Variants in AKAP6 observed in about 807,000 individuals in gnomAD.
AKAP6 encodes the protein A-kinase anchoring protein 6.
Under a neutral mutation model 188.5 loss-of-function variants are expected in AKAP6, and 58 were observed. The observed-to-expected ratio is 0.31, with a 90% CI of 0.25 to 0.38. AKAP6 has a LOEUF of 0.38. Ranked by LOEUF, AKAP6 falls within the 10% of genes least tolerant of loss-of-function variation. The probability of loss-of-function intolerance (pLI) is 1.00; values close to 1 mark genes in which losing one functional copy is unlikely to be tolerated. For synonymous variants in AKAP6, 989 were observed against 998.6 expected (o/e 0.99, Z 0.18); for missense variants, 2,710 against 2,740.0 (o/e 0.99, Z 0.24).
At position 32,823,913 on chromosome 14, in the gene AKAP6, A is replaced by G. The variant is rs2034602861; in HGVS notation, c.6100A>G (p.Ser2034Gly). The G allele has an allele frequency of 6.2e-7, 1 of 1,613,928 alleles. No homozygotes were observed. Among genetic ancestry groups the G allele is most frequent in the Non-Finnish European group, 8.5e-7 (1 of 1,179,934 alleles). The change falls in exon 13 of 14, where the codon AGC becomes GGC. Residue 2034 changes from serine to glycine, a missense_variant. Ser to Gly is a moderately conservative substitution (Grantham distance 56, BLOSUM62 0). This residue lies in a region of AKAP6 where 2,473 missense variants were observed against 2,426.1 expected (regional missense o/e 1.02). Coordinates refer to ENST00000280979, the MANE Select transcript of AKAP6 (RefSeq NM_004274.5). The part of the protein sequence containing the change: ...QNGTEENASI[S>G]NISCCNCEPD... The stretch of plus-strand genomic sequence containing the variant: ...CGGAACAGAGGAAAATGCTTCTATC[A>G]GCAACATTTCCTGTTGCAACTGTGA...
At chr14:32,755,623 G>A (rs1242465027) in intron 11 of AKAP6, among the ~76,000 whole-genome samples, 2 of 151,830 alleles carry the variant, frequency 1.3e-5, no homozygotes, top group Non-Finnish European at 2.9e-5. Context: ...AACCTCTTGG[G>A]CTCAAGGGTT....
chr14:32,371,265 G>C (rs1023332090), intron 1 of AKAP6, among the ~76,000 whole-genome samples: 8 of 152,200 alleles, frequency 5.3e-5, no homozygotes, highest in African/African-American at 1.9e-4. Flanking sequence ...GAAAAGGATA[G>C]GTAAATACAT....
intron 5 of AKAP6, among the ~76,000 whole-genome samples, chr14:32,585,057 T>C (rs1248501491): frequency 1.3e-5 from 2 of 150,760 alleles, no homozygotes; most frequent in Non-Finnish European, 2.9e-5. Context: ...CTTTAAGAGA[T>C]TTTATAGTAT....
chr14:32,729,663 C>G (rs1254819081), intron 9 of AKAP6, among the ~76,000 whole-genome samples: 1 of 152,048 alleles, frequency 6.6e-6, no homozygotes, highest in Non-Finnish European at 1.5e-5. Flanking sequence ...AGCAAATACA[C>G]TTAATAATGT....
At chr14:32,636,965 T>TGA (rs1162583108) in intron 7 of AKAP6, among the ~76,000 whole-genome samples, 2 of 151,956 alleles carry the variant, frequency 1.3e-5, no homozygotes, top group African/African-American at 4.8e-5. Flanking sequence ...GGGAAGGCAG[T>TGA]GAGAAGGTGG....
At chr14:32,694,131 G>T (rs914583915) in intron 8 of AKAP6, among the ~76,000 whole-genome samples, 7 of 151,554 alleles carry the variant, frequency 4.6e-5, no homozygotes, top group African/African-American at 1.7e-4. Context: ...GGAGGCCGAG[G>T]TGGGCGGATC....
chr14:32,651,064 C>T (rs1383342093), intron 7 of AKAP6, among the ~76,000 whole-genome samples: 1 of 152,116 alleles, frequency 6.6e-6, no homozygotes, highest in East Asian at 1.9e-4. Flanking sequence ...TTGCAAGAAC[C>T]AGAGGGCTTT....
At chr14:32,818,305 A>G (rs995331398) in intron 12 of AKAP6, among the ~76,000 whole-genome samples, 3 of 152,096 alleles carry the variant, frequency 2.0e-5, no homozygotes, top group African/African-American at 7.2e-5. Context: ...CATTCCAACT[A>G]CAGCTGTTTG....
At chr14:32,797,351 A>G (rs902396681) in intron 12 of AKAP6, among the ~76,000 whole-genome samples, 18 of 152,272 alleles carry the variant, frequency 1.2e-4, no homozygotes, top group Non-Finnish European at 1.3e-4. Context: ...TAGCAAAGAC[A>G]TGGAATCAAC....
chr14:32,400,079 G>A (rs144334866), intron 1 of AKAP6, among the ~76,000 whole-genome samples: 38 of 152,160 alleles, frequency 2.5e-4, no homozygotes, highest in African/African-American at 8.7e-4. Flanking sequence ...TCTGCTTGGG[G>A]TTTACCTGCC....
At chr14:32,663,884 A>G (rs1410994728) in intron 7 of AKAP6, among the ~76,000 whole-genome samples, 1 of 152,102 alleles carries the variant, frequency 6.6e-6, no homozygotes, top group Non-Finnish European at 1.5e-5. Context: ...TTGTCTTCCT[A>G]CATAAGGGGG....
At chr14:32,788,411 G>A (rs1201449596) in intron 12 of AKAP6, among the ~76,000 whole-genome samples, 1 of 152,226 alleles carries the variant, frequency 6.6e-6, no homozygotes, top group Non-Finnish European at 1.5e-5. Context: ...GGAACTCACG[G>A]AAAGGAATGA....
intron 12 of AKAP6, among the ~76,000 whole-genome samples, chr14:32,813,913 A>G (rs73258721): frequency 0.01 from 1,466 of 146,276 alleles, 21 homozygotes; most frequent in African/African-American, 0.036. Context: ...TGTTATGTAG[A>G]GTTGAGATGG....
At chr14:32,510,983 C>G (rs1237321188) in intron 2 of AKAP6, among the ~76,000 whole-genome samples, 1 of 152,144 alleles carries the variant, frequency 6.6e-6, no homozygotes, top group Non-Finnish European at 1.5e-5. Context: ...CCAAAATCAT[C>G]CCACACTTAC....
At chr14:32,478,673 T>G (rs1375673978) in intron 2 of AKAP6, among the ~76,000 whole-genome samples, 4 of 152,258 alleles carry the variant, frequency 2.6e-5, no homozygotes, top group Non-Finnish European at 5.9e-5. Context: ...TCAGGTTGAT[T>G]TTATAGAGAG....
At chr14:32,635,782 T>G (rs529145583) in intron 7 of AKAP6, among the ~76,000 whole-genome samples, 6 of 152,132 alleles carry the variant, frequency 3.9e-5, no homozygotes, top group Non-Finnish European at 5.9e-5. Flanking sequence ...TGTAACTTAT[T>G]TTTTAAAAGT....
chr14:32,520,647 GA>G (rs1881778377), intron 2 of AKAP6, among the ~76,000 whole-genome samples: 1 of 152,118 alleles, frequency 6.6e-6, no homozygotes, highest in African/African-American at 2.4e-5. Context: ...ACTAAACCAG[GA>G]AGAAGTTGAA....
intron 2 of AKAP6, among the ~76,000 whole-genome samples, chr14:32,459,602 A>C (rs984503728): frequency 1.3e-5 from 2 of 151,802 alleles, no homozygotes; most frequent in South Asian, 2.1e-4. Context: ...AAAAAAATCT[A>C]CCTAGAAAAG....
rs3837670 is a variant in AKAP6 at position 32,331,692 on chromosome 14, GGT to G, written c.-35+2297_-35+2298del. 5.5e-4 allele frequency among the ~76,000 whole-genome samples: 84 copies of G among 151,714 alleles called. 2 individuals are homozygous for G. The highest frequency in any genetic ancestry group is 1.8e-3 in the African/African-American group (75 of 41,402). On this transcript the variant is annotated intron_variant, in intron 1 of 13. Transcript: ENST00000280979. ...TTTAATATATCCCCAAGGGGTAGAT[GGT>G]GTGTGTGTGTGTATAGGGGAAGGGA... is the stretch of plus-strand genomic sequence containing the variant.
Sources: allele counts gnomAD v4.1 joint callset (sites outside exome capture counted in the v4.1 genomes callset), GRCh38; gene constraint gnomAD v4.1.1; regional missense constraint gnomAD v4.1.1; transcripts MANE v1.5; gene names NCBI Gene and HGNC (gene_info 2026-07-23, HGNC 2026-07-21).